Variants in PLXNA4 observed in about 807,000 individuals in gnomAD.
PLXNA4 encodes plexin A4.
In PLXNA4, 44 loss-of-function variants were observed where a neutral mutation model predicts 191.8. That is an observed-to-expected ratio of 0.23 (90% confidence interval 0.18 to 0.29). PLXNA4 has a LOEUF of 0.29. Ranked by LOEUF, PLXNA4 falls within the 10% of genes least tolerant of loss-of-function variation. The pLI, the probability that PLXNA4 is intolerant of heterozygous loss-of-function variation, is 1.00. For synonymous variants in PLXNA4, 1,082 were observed against 1,009.5 expected (o/e 1.07, Z -1.36); for missense variants, 1,800 against 2,488.8 (o/e 0.72, Z 5.89).
In PLXNA4 at chr7:132,576,169, G is replaced by A. The variant is rs1183573148; in HGVS notation, c.-87+253C>T. Among the ~76,000 whole-genome samples, 1 of 152,234 alleles carries A rather than the reference G, an allele frequency of 6.6e-6. No individual in the cohort carries two copies. Among genetic ancestry groups the A allele is most frequent in the South Asian group, 2.1e-4 (1 of 4,838 alleles). The stretch of plus-strand genomic sequence containing the variant: ...GAAAGAGAAGTCTGAGTCCAGGAGC[G>A]TGAGAGGAGAACACACCCGGGAAAT... On this transcript the variant is annotated intron_variant, in intron 1 of 31. Transcript: ENST00000321063. The surrounding 1 kb of genome is among the most constrained non-coding windows in gnomAD (Gnocchi z 5.8).
At chr7:132,414,883 C>T (rs1035391660) in intron 3 of PLXNA4, among the ~76,000 whole-genome samples, 1 of 152,156 alleles carries the variant, frequency 6.6e-6, no homozygotes, top group Admixed American at 6.5e-5. Flanking sequence ...CCAAAGGATC[C>T]ATTTCCTAGT....
intron 1 of PLXNA4, among the ~76,000 whole-genome samples, chr7:132,647,759 TAC>T (rs141699495): frequency 0.14 from 21,121 of 150,064 alleles, 1,608 homozygotes; most frequent in African/African-American, 0.19. Flanking sequence ...CACATACATA[TAC>T]ACTCACAAAC....
At chr7:132,164,378 C>T in intron 23 of PLXNA4, 90 bp from the exon 24 acceptor site, 1 of 1,535,504 alleles carries the variant, frequency 6.5e-7, no homozygotes, top group Non-Finnish European at 8.8e-7. Flanking sequence ...TGCTTCCATC[C>T]CCTGCCAAGT....
chr7:132,588,922 G>A (rs1802557291), intron 2 of PLXNA4, among the ~76,000 whole-genome samples: 1 of 151,830 alleles, frequency 6.6e-6, no homozygotes, highest in African/African-American at 2.4e-5. Flanking sequence ...ATAGAGAGAG[G>A]AGTGATGATG....
chr7:132,428,327 T>TC (rs1395185424), intron 3 of PLXNA4, among the ~76,000 whole-genome samples: 1 of 152,202 alleles, frequency 6.6e-6, no homozygotes, highest in Non-Finnish European at 1.5e-5. Context: ...CCCTATGCTC[T>TC]CCCCATCTGG....
At chr7:132,599,756 T>G (rs1272356503) in intron 2 of PLXNA4, among the ~76,000 whole-genome samples, 1 of 152,134 alleles carries the variant, frequency 6.6e-6, no homozygotes, top group Non-Finnish European at 1.5e-5. Context: ...GGCCGTCTTA[T>G]TCTATTCTCA....
intron 3 of PLXNA4, among the ~76,000 whole-genome samples, chr7:132,336,432 T>C (rs1802818750): frequency 6.6e-6 from 1 of 152,162 alleles, no homozygotes; most frequent in Admixed American, 6.5e-5. Context: ...AAATTATGGG[T>C]ACTATTATGT....
At chr7:132,472,244 G>C (rs984640283) in intron 3 of PLXNA4, among the ~76,000 whole-genome samples, 12 of 152,250 alleles carry the variant, frequency 7.9e-5, no homozygotes, top group Admixed American at 6.5e-4. Context: ...TTGGGGCCTA[G>C]CAAGGTCTTT....
In PLXNA4 at chr7:132,227,491, G is replaced by A; in HGVS notation, c.1842C>T (p.Ser614=). ...TCCGGGGCACCTCCTTGGCTGCAGG[G>A]GAGTAGCACTGGATCTGATTGCCCA... ...LVVGNQIQCY[S]PAAKEVPRII... Residue 614 remains serine, a synonymous_variant, in exon 7 of 32, where the codon TCC becomes TCT. Coordinates refer to ENST00000321063, the MANE Select transcript of PLXNA4 (RefSeq NM_020911.2). The A allele has an allele frequency of 6.2e-7, 1 of 1,614,176 alleles. No homozygotes were observed.
chr7:132,227,348 C>T (rs1480379542), intron 7 of PLXNA4, 103 bp downstream of exon 7: 1 of 1,485,218 alleles, frequency 6.7e-7, no homozygotes, highest in South Asian at 1.3e-5. Flanking sequence ...CTCTGACTCT[C>T]TCCTGCCTGC....
chr7:132,378,317 G>A (rs900797474), intron 3 of PLXNA4, among the ~76,000 whole-genome samples: 1 of 152,130 alleles, frequency 6.6e-6, no homozygotes, highest in Admixed American at 6.5e-5. Flanking sequence ...GAAAAGAGTA[G>A]GAGTATTTAA....
At chr7:132,526,708 T>A (rs962046385) in intron 1 of PLXNA4, among the ~76,000 whole-genome samples, 4 of 152,196 alleles carry the variant, frequency 2.6e-5, no homozygotes, top group African/African-American at 9.7e-5. Context: ...GGGTTGGACA[T>A]GGCTTCTCAA....
chr7:132,627,012 T>C (rs761658115), intron 2 of PLXNA4, among the ~76,000 whole-genome samples: 5 of 152,238 alleles, frequency 3.3e-5, no homozygotes, highest in Non-Finnish European at 7.3e-5. Flanking sequence ...CAATGGCTCC[T>C]GACTACCTGC....
chr7:132,544,620 A>G (rs1014569189), intron 1 of PLXNA4, among the ~76,000 whole-genome samples: 2 of 152,160 alleles, frequency 1.3e-5, no homozygotes, highest in Non-Finnish European at 2.9e-5. Context: ...TATTGGTTCT[A>G]CTGAGTGATG....
At chr7:132,332,755 G>A (rs954880097) in intron 3 of PLXNA4, among the ~76,000 whole-genome samples, 3 of 151,770 alleles carry the variant, frequency 2.0e-5, no homozygotes, top group Non-Finnish European at 4.4e-5. Context: ...AGCTACTCAG[G>A]AGGCTGCAGT....
chr7:132,274,081 A>G (rs955432537), intron 4 of PLXNA4, among the ~76,000 whole-genome samples: 4 of 152,064 alleles, frequency 2.6e-5, no homozygotes, highest in African/African-American at 4.8e-5. Context: ...ACAAAAGAGT[A>G]TGTATTGTAT....
intron 1 of PLXNA4, among the ~76,000 whole-genome samples, chr7:132,520,363 A>C (rs1204329433): frequency 2.0e-5 from 3 of 152,178 alleles, no homozygotes; most frequent in East Asian, 3.9e-4. Context: ...ACTGAGCCTG[A>C]CAAGCAAGTT....
chr7:132,468,798 C>T lies in PLXNA4; in HGVS notation c.1371+20494G>A, dbSNP rs371492059. ...TTTATGCACGACTGTTACATACACA[C>T]ATTTGAGGAGAGAAGGAATTATGTA... On this transcript the variant is annotated intron_variant, in intron 3 of 31. Transcript: ENST00000321063. Among the ~76,000 whole-genome samples, 112 of 152,092 alleles carry T rather than the reference C, an allele frequency of 7.4e-4. 1 individual carries two copies. The highest frequency in any genetic ancestry group is 2.6e-3 in the African/African-American group (108 of 41,464).
intron 2 of PLXNA4, among the ~76,000 whole-genome samples, chr7:132,616,824 G>C (rs1166146316): frequency 2.0e-5 from 3 of 152,134 alleles, no homozygotes; most frequent in African/African-American, 7.2e-5. Flanking sequence ...CTCTGTGGTA[G>C]ACTGTGCGGT....
Sources: allele counts gnomAD v4.1 joint callset (sites outside exome capture counted in the v4.1 genomes callset), GRCh38; gene constraint gnomAD v4.1.1; non-coding constraint Gnocchi (gnomAD v3.1); transcripts MANE v1.5; gene names NCBI Gene and HGNC (gene_info 2026-07-23, HGNC 2026-07-21).